The following YES1 variants were observed in gnomAD, a reference collection of about 807,000 sequenced individuals.
YES1 encodes the protein YES proto-oncogene 1, Src family tyrosine kinase.
YES1 carries 39 observed loss-of-function variants against 70.4 expected under a neutral mutation model. The ratio of observed to expected loss-of-function variants is 0.55; its 90% CI spans 0.43 to 0.72. The LOEUF is 0.72. YES1 is among the 30% of genes least tolerant of loss of function. The pLI is 0.00. For synonymous variants in YES1, 198 were observed against 218.6 expected (o/e 0.91, Z 0.83); for missense variants, 495 against 644.8 (o/e 0.77, Z 2.52).
chr18:790,397 C>G (rs1598937965), intron 1 of YES1, among the ~76,000 whole-genome samples: 1 of 152,280 alleles, frequency 6.6e-6, no homozygotes, highest in Non-Finnish European at 1.5e-5. Flanking sequence ...GGGGTAACCT[C>G]CCAAAAGGAT....
intron 1 of YES1, among the ~76,000 whole-genome samples, chr18:799,424 G>A (rs1461651738): frequency 6.6e-6 from 1 of 152,212 alleles, no homozygotes; most frequent in Non-Finnish European, 1.5e-5. Flanking sequence ...AAGTATGGTT[G>A]TGAGGCTGGG....
intron 4 of YES1, 87 bp downstream of exon 4, chr18:747,833 G>T: frequency 8.4e-7 from 1 of 1,185,864 alleles, no homozygotes; most frequent in Non-Finnish European, 1.2e-6. Context: ...ATATAATTCT[G>T]TGTGTGTAAA....
chr18:790,846 G>A (rs943611527), intron 1 of YES1, among the ~76,000 whole-genome samples: 1 of 152,222 alleles, frequency 6.6e-6, no homozygotes, highest in Admixed American at 6.5e-5. Flanking sequence ...TTTCTTGGTT[G>A]TAGTATCCTT....
At chr18:795,575 T>TA (rs1568218203) in intron 1 of YES1, among the ~76,000 whole-genome samples, 3 of 151,910 alleles carry the variant, frequency 2.0e-5, no homozygotes, top group Non-Finnish European at 2.9e-5. Flanking sequence ...TATGCAGCCA[T>TA]AAAAAAGAAA....
chr18:783,617 CTT>C (rs71805434), intron 1 of YES1, among the ~76,000 whole-genome samples: 73 of 143,182 alleles, frequency 5.1e-4, no homozygotes, highest in Middle Eastern at 3.6e-3. Context: ...CAATTTTTCT[CTT>C]TTTTTTTTTT....
intron 10 of YES1, among the ~76,000 whole-genome samples, chr18:734,746 G>T (rs2080132290): frequency 6.6e-6 from 1 of 151,576 alleles, no homozygotes; most frequent in African/African-American, 2.4e-5. Context: ...TTTTTCCACT[G>T]ATGGTGGGAA....
chr18:746,129 C>G, intron 4 of YES1, 78 bp from the exon 5 acceptor site: 1 of 1,059,326 alleles, frequency 9.4e-7, no homozygotes, highest in Non-Finnish European at 1.4e-6. Context: ...TAAGAATGGA[C>G]TGGGATAGGT....
chr18:790,509 C>T (rs1043512409), intron 1 of YES1, among the ~76,000 whole-genome samples: 2 of 151,922 alleles, frequency 1.3e-5, no homozygotes, highest in African/African-American at 4.8e-5. Context: ...GTATAGTTTA[C>T]AAATAAACAT....
At chr18:774,593 C>T (rs1359458495) in intron 1 of YES1, among the ~76,000 whole-genome samples, 3 of 152,146 alleles carry the variant, frequency 2.0e-5, no homozygotes, top group Admixed American at 6.5e-5. Flanking sequence ...TCCTCAGTAA[C>T]CCCCCGGCCC....
intron 1 of YES1, among the ~76,000 whole-genome samples, chr18:769,957 C>CTT (rs10645789): frequency 0.31 from 44,791 of 144,352 alleles, 7,113 homozygotes; most frequent in Admixed American, 0.39. Context: ...TCTTCCTGTT[C>CTT]TTTTTTTTTT....
At chr18:811,751 T>C (rs1907394632) in intron 1 of YES1, among the ~76,000 whole-genome samples, 1 of 152,096 alleles carries the variant, frequency 6.6e-6, no homozygotes, top group African/African-American at 2.4e-5. Context: ...CCCTCGCCCC[T>C]ACTTCGGCCG....
intron 1 of YES1, among the ~76,000 whole-genome samples, chr18:811,842 C>T (rs866367452): frequency 5.3e-4 from 80 of 152,292 alleles, no homozygotes; most frequent in African/African-American, 1.9e-3. Flanking sequence ...AGTGTCCCCA[C>T]GCCCCTGGAA....
chr18:724,400 T>C lies in YES1; in HGVS notation c.*24A>G. On this transcript the variant is annotated 3_prime_UTR_variant, in exon 12 of 12. Transcript: ENST00000314574. ...AGTTCTTTATATTTTGGCAGATTTG[T>C]GCATATAAAATAGGCTACTTGAATT... 1 of 1,599,582 alleles carries C rather than the reference T, an allele frequency of 6.3e-7. No individual in the cohort carries two copies. Among genetic ancestry groups the C allele is most frequent in the South Asian group, 1.1e-5 (1 of 90,302 alleles).
At chr18:809,979 T>C (rs1164689238) in intron 1 of YES1, among the ~76,000 whole-genome samples, 1 of 151,658 alleles carries the variant, frequency 6.6e-6, no homozygotes, top group Non-Finnish European at 1.5e-5. Flanking sequence ...TCTATGCTTC[T>C]ATTTTTACGT....
At chr18:779,982 C>T (rs982951528) in intron 1 of YES1, among the ~76,000 whole-genome samples, 4 of 151,582 alleles carry the variant, frequency 2.6e-5, no homozygotes, top group African/African-American at 9.7e-5. Flanking sequence ...GCCTGTAATC[C>T]CAGCACTTTG....
chr18:751,725 T>C lies in YES1; in HGVS notation c.351A>G (p.Arg117=). 1.3e-6 allele frequency: 2 copies of C among 1,589,204 alleles called. No homozygotes were observed. Among genetic ancestry groups the C allele is most frequent in the Non-Finnish European group, 1.7e-6 (2 of 1,159,514 alleles). The stretch of plus-strand genomic sequence containing the variant: ...CTTACGTATTGTTAATTATTTGAAA[T>C]CTTTCACCCTTCTTAAATGAAAGGT... ...TEDLSFKKGE[R]FQIINNTEGD... The change falls in exon 3 of 12, where the codon AGA becomes AGG. Residue 117 remains arginine (R), a synonymous_variant. Coordinates refer to ENST00000314574, the MANE Select transcript of YES1 (RefSeq NM_005433.4).
At chr18:797,907 G>A (rs982643073) in intron 1 of YES1, 1 of 152,110 alleles carries the variant, frequency 6.6e-6, no homozygotes, top group African/African-American at 2.4e-5. Context: ...CTCATGTAAA[G>A]CTACATGCCT....
chr18:751,653 A>G, intron 3 of YES1, 52 bp downstream of exon 3: 1 of 1,244,266 alleles, frequency 8.0e-7, no homozygotes, highest in Non-Finnish European at 1.2e-6. Context: ...GTTCCTGTGT[A>G]AAGACCAGAT....
chr18:758,825 C>T (rs1026619874), intron 1 of YES1, among the ~76,000 whole-genome samples: 8 of 152,306 alleles, frequency 5.3e-5, no homozygotes, highest in African/African-American at 1.9e-4. Flanking sequence ...CATCGCTTAC[C>T]TACCGTATTA....
Sources: gnomAD v4.1 joint callset for allele counts (sites outside exome capture counted in the v4.1 genomes callset) on GRCh38, gnomAD v4.1.1 for gene constraint, MANE v1.5 for transcripts, NCBI Gene and HGNC (gene_info 2026-07-23, HGNC 2026-07-21) for gene names.